Variants in ATP6V1A observed in about 807,000 individuals in gnomAD.
ATP6V1A encodes the protein ATPase H+ transporting V1 subunit A.
A neutral mutation model predicts 70.1 loss-of-function variants in ATP6V1A; 18 were observed. The ratio of observed to expected loss-of-function variants is 0.26; its 90% confidence interval spans 0.18 to 0.38. ATP6V1A has a LOEUF of 0.38. Among genes scored for constraint, ATP6V1A ranks in the 10% least tolerant of loss-of-function variants. The probability of loss-of-function intolerance (pLI) is 1.00; values close to 1 mark genes in which losing one functional copy is unlikely to be tolerated. For synonymous variants in ATP6V1A, 232 were observed against 253.8 expected (o/e 0.91, Z 0.82); for missense variants, 424 against 772.4 (o/e 0.55, Z 5.35).
At chr3:113,809,087 A>G (rs907116099) in intron 14 of ATP6V1A, among the ~76,000 whole-genome samples, 1 of 134,102 alleles carries the variant, frequency 7.5e-6, no homozygotes, top group Non-Finnish European at 1.7e-5. Flanking sequence ...TGTCTCTACT[A>G]AAAATATGAA....
At chr3:113,790,777 C>T (rs1709084219) in intron 8 of ATP6V1A, among the ~76,000 whole-genome samples, 1 of 152,192 alleles carries the variant, frequency 6.6e-6, no homozygotes. Context: ...CTTATGGCAA[C>T]TGTGTTCTCT....
At position 113,795,222 on chromosome 3, in the gene ATP6V1A, T is replaced by G. The variant is rs752213646; in HGVS notation, c.1226+18T>G. The G allele has an allele frequency of 1.2e-6, 2 of 1,606,820 alleles. No individual in the cohort carries two copies. Among genetic ancestry groups the G allele is most frequent in the East Asian group, 4.5e-5 (2 of 44,836 alleles). ...GTAGGAGCGTAAGCACCCACACTAT[T>G]TACTTTGCAAAAGGAAAAAAGTCAC... On this transcript the variant is annotated intron_variant, in intron 10 of 14. Transcript: ENST00000273398.
At chr3:113,783,523 G>C (rs1225992114) in intron 3 of ATP6V1A, among the ~76,000 whole-genome samples, 1 of 152,186 alleles carries the variant, frequency 6.6e-6, no homozygotes, top group Non-Finnish European at 1.5e-5. Context: ...AGCAGCATAT[G>C]TGAAGCAATG....
Position 113,778,949 on chromosome 3 carries a change from G to T in ATP6V1A, c.82+114G>T, listed in dbSNP as rs1042947336. 25 of 681,898 alleles carry T rather than the reference G, an allele frequency of 3.7e-5. No homozygotes were observed. In the African/African-American group the frequency reaches 4.5e-4, roughly 12 times the overall value. The allele number at this position is 681,898 out of a possible 1,614,324, so 42.2% of individuals were successfully genotyped here. ...CTGTTTACCTGCATAAATTCTGTTT[G>T]TCCTTAGGCGATCTCATAGTGACTA... On this transcript the variant is annotated intron_variant, in intron 2 of 14. Transcript: ENST00000273398.
chr3:113,766,284 T>C (rs12639544), intron 1 of ATP6V1A, among the ~76,000 whole-genome samples: 8 of 141,676 alleles, frequency 5.6e-5, no homozygotes, highest in East Asian at 2.1e-4. Flanking sequence ...CTCTCTCTCT[T>C]TCTCTCTCTC....
intron 1 of ATP6V1A, among the ~76,000 whole-genome samples, chr3:113,773,199 A>G (rs546442491): frequency 5.9e-5 from 9 of 152,096 alleles, no homozygotes; most frequent in African/African-American, 2.2e-4. Context: ...TGGCCCCCCA[A>G]AGTGCTGGGA....
chr3:113,807,692 A>G (rs1559762396), intron 14 of ATP6V1A, among the ~76,000 whole-genome samples: 1 of 152,202 alleles, frequency 6.6e-6, no homozygotes, highest in Non-Finnish European at 1.5e-5. Context: ...AGGATGAAGA[A>G]GAAATATACC....
intron 5 of ATP6V1A, 104 bp from the exon 6 acceptor site, chr3:113,786,128 C>T (rs1338104082): frequency 2.1e-6 from 2 of 957,602 alleles, no homozygotes; most frequent in Non-Finnish European, 2.9e-6. Context: ...TTTGCACTTA[C>T]ATGTATCACC....
chr3:113,772,621 G>A (rs1456627148), intron 1 of ATP6V1A, among the ~76,000 whole-genome samples: 2 of 151,670 alleles, frequency 1.3e-5, no homozygotes, highest in African/African-American at 4.8e-5. Flanking sequence ...CCAGCTACTC[G>A]GGAGGCTGAG....
intron 14 of ATP6V1A, among the ~76,000 whole-genome samples, chr3:113,807,156 G>A (rs1001718442): frequency 2.7e-5 from 4 of 149,856 alleles, no homozygotes; most frequent in Non-Finnish European, 4.4e-5. Flanking sequence ...ATACACGGTC[G>A]TTTATTAAAT....
At chr3:113,800,439 G>C (rs950042422) in intron 12 of ATP6V1A, among the ~76,000 whole-genome samples, 8 of 152,078 alleles carry the variant, frequency 5.3e-5, no homozygotes, top group African/African-American at 1.9e-4. Flanking sequence ...CGGACCAGTG[G>C]AGCAGAATAG....
At chr3:113,753,826 G>A (rs949705169) in intron 1 of ATP6V1A, among the ~76,000 whole-genome samples, 1 of 151,694 alleles carries the variant, frequency 6.6e-6, no homozygotes, top group Non-Finnish European at 1.5e-5. Flanking sequence ...CTCCAGAGTA[G>A]CTGGGGCTAC....
intron 1 of ATP6V1A, among the ~76,000 whole-genome samples, chr3:113,761,408 A>C (rs1318589503): frequency 6.6e-6 from 1 of 151,332 alleles, no homozygotes; most frequent in East Asian, 1.9e-4. Context: ...AAATTTGCTC[A>C]GTAACGAGAG....
intron 7 of ATP6V1A, 81 bp from the exon 8 acceptor site, chr3:113,789,651 T>TA: frequency 6.7e-6 from 7 of 1,049,954 alleles, no homozygotes; most frequent in East Asian, 2.5e-5. Flanking sequence ...GGGCAAAAGT[T>TA]TAAAAAAAAA....
At position 113,784,319 on chromosome 3, in the gene ATP6V1A, C is replaced by G. The variant is rs765516232; in HGVS notation, c.307C>G (p.Gln103Glu). The G allele has an allele frequency of 1.2e-6, 2 of 1,614,102 alleles. No homozygotes were observed. Among genetic ancestry groups the G allele is most frequent in the Non-Finnish European group, 1.7e-6 (2 of 1,179,958 alleles). The change falls in exon 4 of 15, where the codon CAA becomes GAA. Residue 103 changes from glutamine (Q) to glutamate (E), a missense_variant. By Grantham distance (29) the Gln-to-Glu change is conservative. Around this residue, in one of 9 missense-constraint regions of ATP6V1A, gnomAD observed 139 missense variants for 163.5 expected, o/e 0.85. Coordinates refer to ENST00000273398, the MANE Select transcript of ATP6V1A (RefSeq NM_001690.4). ...TATGGGAGCCATTTTTGATGGTATTCAAAGACCTTTGTCGGATATCAGCAG... is the reference window on the plus strand; with the variant it reads ...TATGGGAGCCATTTTTGATGGTATTGAAAGACCTTTGTCGGATATCAGCAG... ...GIMGAIFDGI[Q>E]RPLSDISSQT...
intron 11 of ATP6V1A, among the ~76,000 whole-genome samples, chr3:113,797,246 T>TA (rs951841896): frequency 6.1e-5 from 9 of 147,824 alleles, no homozygotes; most frequent in African/African-American, 1.7e-4. Context: ...CCAGAACAGT[T>TA]AAAAAAAAAA....
chr3:113,789,990 C>A, intron 8 of ATP6V1A, 150 bp downstream of exon 8: 1 of 594,140 alleles, frequency 1.7e-6, no homozygotes, highest in Non-Finnish European at 2.8e-6. Context: ...TTTTACTTGG[C>A]CGGGAATGGT....
At chr3:113,796,961 G>A (rs987708496) in intron 11 of ATP6V1A, among the ~76,000 whole-genome samples, 7 of 152,196 alleles carry the variant, frequency 4.6e-5, no homozygotes, top group African/African-American at 1.4e-4. Context: ...TTGATACGGA[G>A]TTTCACTCTT....
At chr3:113,802,722 G>T (rs546618797) in intron 12 of ATP6V1A, 1 of 152,240 alleles carries the variant, frequency 6.6e-6, no homozygotes, top group African/African-American at 2.4e-5. Flanking sequence ...GCAGTGGCAC[G>T]ATCTTAGCTC....
Sources: gnomAD v4.1 joint callset for allele counts (sites outside exome capture counted in the v4.1 genomes callset) on GRCh38, gnomAD v4.1.1 for gene constraint, gnomAD v4.1.1 regional missense constraint, MANE v1.5 for transcripts, NCBI Gene and HGNC (gene_info 2026-07-23, HGNC 2026-07-21) for gene names.